The following PCDHA12 variants were observed in gnomAD, a reference collection of about 807,000 sequenced individuals.
PCDHA12 encodes protocadherin alpha-12.
PCDHA12 carries 44 observed loss-of-function variants against 60.0 expected under a neutral mutation model. The ratio of observed to expected loss-of-function variants is 0.73; its 90% CI spans 0.58 to 0.94. The LOEUF is 0.94. Among genes scored for constraint, PCDHA12 ranks in the 40% least tolerant of loss-of-function variants. PCDHA12 has a pLI of 0.00. For missense variants in PCDHA12, 1,276 were observed against 1,239.7 expected, an observed-to-expected ratio of 1.03 and a Z score of -0.44; for synonymous variants, 569 against 553.0, an observed-to-expected ratio of 1.03 and a Z score of -0.40.
At chr5:140,911,607 T>C (rs1309017145) in intron 1 of PCDHA12, among the ~76,000 whole-genome samples, 1 of 152,222 alleles carries the variant, frequency 6.6e-6, no homozygotes, top group African/African-American at 2.4e-5. Context: ...CTTCATTATG[T>C]TCCTTAGTTC....
intron 1 of PCDHA12, among the ~76,000 whole-genome samples, chr5:140,961,681 G>A (rs911141843): frequency 3.9e-5 from 6 of 152,152 alleles, no homozygotes; most frequent in African/African-American, 9.7e-5. Context: ...TAATTAAGCC[G>A]GAGTAGTCCT....
chr5:140,998,446 T>C (rs1266567801), intron 3 of PCDHA12, among the ~76,000 whole-genome samples: 1 of 152,248 alleles, frequency 6.6e-6, no homozygotes, highest in African/African-American at 2.4e-5. Flanking sequence ...TTATTGTATT[T>C]ATTCATTTAC....
At chr5:140,944,566 A>G (rs782290531) in intron 1 of PCDHA12, among the ~76,000 whole-genome samples, 37 of 152,182 alleles carry the variant, frequency 2.4e-4, no homozygotes, top group African/African-American at 7.5e-4. Context: ...CTGGCAACTT[A>G]CTGTAGAGAT....
Position 141,009,632 on chromosome 5 carries a change from G to A in PCDHA12, c.2521G>A (p.Glu841Lys). 1 of 1,613,032 alleles carries A rather than the reference G, an allele frequency of 6.2e-7. No individual in the cohort carries two copies. Among genetic ancestry groups the A allele is most frequent in the Non-Finnish European group, 8.5e-7 (1 of 1,179,354 alleles). The change falls in exon 4 of 4, where the codon GAG (glutamate) becomes AAG (lysine). Residue 841 changes from glutamate to lysine, a missense_variant. Transcript: ENST00000398631. The stretch of plus-strand genomic sequence containing the variant: ...TGTAATGTTTTGTCTTTCAGAACCA[G>A]AGGCAGGAGAAGTGTCCCCTCCAGT... ...PTVSSATPEP[E>K]AGEVSPPVGA...
intron 1 of PCDHA12, among the ~76,000 whole-genome samples, chr5:140,915,667 G>A (rs2077246554): frequency 1.3e-5 from 2 of 149,888 alleles, no homozygotes; most frequent in Admixed American, 1.3e-4. Flanking sequence ...AAGGTGCTGG[G>A]CCATCTTGAA....
intron 2 of PCDHA12, 157 bp from the exon 3 acceptor site, chr5:140,982,318 G>C (rs2096977750): frequency 6.6e-6 from 9 of 1,356,910 alleles, no homozygotes; most frequent in Non-Finnish European, 8.8e-6. Flanking sequence ...AGTTTATGCA[G>C]GGTGACTGCT....
Position 140,884,307 on chromosome 5 carries a change from C to T in PCDHA12, c.2367+6468C>T, listed in dbSNP as rs144612735. 3,633 of 1,613,724 alleles carry T rather than the reference C, an allele frequency of 2.3e-3. 15 individuals are homozygous for T. The highest frequency in any genetic ancestry group is 9.6e-3 in the Middle Eastern group (58 of 6,062). Reference sequence around the variant, plus strand: ...AGCGGCCAAGCGCCACAGGCTTCGTCGAGGGCGTCGGCAGGCGCTGTGGGT... The same window carrying T: ...AGCGGCCAAGCGCCACAGGCTTCGTTGAGGGCGTCGGCAGGCGCTGTGGGT... On this transcript the variant is annotated intron_variant, in intron 1 of 3. Transcript: ENST00000398631.
rs1366864610 is a variant in PCDHA12 at position 141,006,125 on chromosome 5, G to A, written c.2516-3502G>A. ...AAGGAGTTTTTTTTTTTTTTCTCAA[G>A]GCAGTAGAAAGCTTAAGCAGAGGAG... On this transcript the variant is annotated intron_variant, in intron 3 of 3. Transcript: ENST00000398631. 4.7e-5 allele frequency among the ~76,000 whole-genome samples: 7 copies of A among 149,644 alleles called. No individual in the cohort carries two copies. The South Asian group carries it at 1.3e-3, about 27-fold the overall frequency.
rs151249575 is a variant in PCDHA12, at chr5:140,920,220, T to TTATA, written c.2367+42382_2367+42385dup. 8.8e-3 allele frequency among the ~76,000 whole-genome samples: 1,344 copies of TTATA among 152,322 alleles called. 13 individuals carry two copies. The highest frequency in any genetic ancestry group is 0.031 in the African/African-American group (1,300 of 41,558). On this transcript the variant is annotated intron_variant, in intron 1 of 3. Coordinates refer to ENST00000398631, the MANE Select transcript of PCDHA12 (RefSeq NM_018903.4). ...GCAGCCACAGAAAACCAATGCACAT[T>TTATA]TATAGTATTATATACCCAACAATAC...
At chr5:140,901,137 A>T (rs2068464747) in intron 1 of PCDHA12, among the ~76,000 whole-genome samples, 1 of 151,974 alleles carries the variant, frequency 6.6e-6, no homozygotes, top group South Asian at 2.1e-4. Flanking sequence ...TAGATTGTAA[A>T]TATTTTCTCT....
At chr5:140,928,977 T>C in intron 1 of PCDHA12, 1 of 1,613,888 alleles carries the variant, frequency 6.2e-7, no homozygotes, top group Non-Finnish European at 8.5e-7. Context: ...CCTTTTTATT[T>C]CTGGGGTGCT....
chr5:140,892,497 T>C (rs1459778884), intron 1 of PCDHA12, among the ~76,000 whole-genome samples: 1 of 152,238 alleles, frequency 6.6e-6, no homozygotes, highest in Non-Finnish European at 1.5e-5. Context: ...GAGAGATTGT[T>C]TAAGAAGTTC....
At chr5:140,905,928 A>G (rs2072211023) in intron 1 of PCDHA12, among the ~76,000 whole-genome samples, 1 of 152,238 alleles carries the variant, frequency 6.6e-6, no homozygotes, top group Admixed American at 6.5e-5. Context: ...TGAGTCCCAA[A>G]GCTGAAGAAC....
In PCDHA12 at chr5:140,913,634, C is replaced by T. The variant is rs145807488; in HGVS notation, c.2367+35795C>T. On this transcript the variant is annotated intron_variant, in intron 1 of 3. Transcript: ENST00000398631. ...TACTAATTTTGGATTCAGTTTGCTG[C>T]TGCTTTTCTAGTTCTTTAAGATGTA... Among the ~76,000 whole-genome samples the T allele has an allele frequency of 8.0e-3, 1,219 of 152,090 alleles. 7 individuals carry two copies. Among genetic ancestry groups the T allele is most frequent in the African/African-American group, 0.019 (785 of 41,506 alleles).
In PCDHA12 at chr5:140,883,888, T is replaced by G. The variant is rs781919107; in HGVS notation, c.2367+6049T>G. ...AGTTCCAGGTGAGCGCGCGCGACTC[T>G]GGCGTGCCGCCTCTGGGCAGCAACG... On this transcript the variant is annotated intron_variant, in intron 1 of 3. Transcript: ENST00000398631. 33 of 1,612,942 alleles carry G rather than the reference T, an allele frequency of 2.0e-5. No individual in the cohort carries two copies. In the African/African-American group the frequency reaches 2.1e-4, roughly 10 times the overall value.
chr5:140,930,196 T>A (rs1554207641), intron 1 of PCDHA12: 3 of 152,226 alleles, frequency 2.0e-5, no homozygotes, highest in African/African-American at 7.2e-5. Context: ...AATTTTTATG[T>A]CAGAAATATT....
Position 140,967,464 on chromosome 5 carries a change from G to A in PCDHA12, c.2368-11485G>A, listed in dbSNP as rs781900904. The A allele has an allele frequency of 1.9e-6, 3 of 1,613,386 alleles. No individual in the cohort carries two copies. In the East Asian group the frequency reaches 6.7e-5, roughly 36 times the overall value. ...CTGGTTCTCACAGCCGTGGATGGGG[G>A]CATCCCAGCCCGCTCGGGTACGGCA... On this transcript the variant is annotated intron_variant, in intron 1 of 3. Coordinates refer to ENST00000398631, the MANE Select transcript of PCDHA12 (RefSeq NM_018903.4).
intron 1 of PCDHA12, among the ~76,000 whole-genome samples, chr5:140,913,921 C>T (rs782350245): frequency 1.4e-4 from 22 of 152,018 alleles, no homozygotes; most frequent in South Asian, 1.2e-3. Flanking sequence ...AATTTTACTT[C>T]ATTGTGGTCA....
intron 1 of PCDHA12, among the ~76,000 whole-genome samples, chr5:140,975,438 A>T (rs1436743661): frequency 5.9e-5 from 9 of 152,234 alleles, no homozygotes; most frequent in African/African-American, 1.7e-4. Flanking sequence ...ACACCAGGAT[A>T]TAGGGATCTT....
Sources: gnomAD v4.1 joint callset for allele counts (sites outside exome capture counted in the v4.1 genomes callset) on GRCh38, gnomAD v4.1.1 for gene constraint, MANE v1.5 for transcripts, NCBI Gene and HGNC (gene_info 2026-07-23, HGNC 2026-07-21) for gene names.